Variants in MORC2 observed in about 807,000 individuals in gnomAD.
MORC2 encodes the protein MORC family CW-type zinc finger 2, also known as ATPase MORC2.
A neutral mutation model predicts 136.0 loss-of-function variants in MORC2; 30 were observed. That is an observed-to-expected ratio of 0.22 (90% CI 0.17 to 0.30). The LOEUF is 0.30. Ranked by LOEUF, MORC2 falls within the 10% of genes least tolerant of loss-of-function variation. The pLI is 1.00. For missense variants in MORC2, 922 were observed against 1,333.1 expected, an observed-to-expected ratio of 0.69 and a Z score of 4.80; for synonymous variants, 439 against 487.0, an observed-to-expected ratio of 0.90 and a Z score of 1.30.
In MORC2 at chr22:30,950,991, C is replaced by T. The variant is rs2040878709; in HGVS notation, c.158-546G>A. ...ATGAAGTACTGTGTCTATACATGAC[C>T]ATCCCTAGGCTGACTGGCATTCTGG... On this transcript the variant is annotated intron_variant, in intron 3 of 25. Coordinates refer to ENST00000397641, the MANE Select transcript of MORC2 (RefSeq NM_001303256.3). Among the ~76,000 whole-genome samples the T allele has an allele frequency of 2.6e-5, 4 of 152,166 alleles. No individual in the cohort carries two copies. The South Asian group carries it at 8.3e-4, about 32-fold the overall frequency.
rs553988584 is a variant in MORC2 at position 30,941,678 on chromosome 22, G to A, written c.699-120C>T. 1.3e-5 allele frequency: 18 copies of A among 1,391,578 alleles called. No homozygotes were observed. Among genetic ancestry groups the A allele is most frequent in the Non-Finnish European group, 1.7e-5 (18 of 1,028,860 alleles). The allele number at this position is 1,391,578 out of a possible 1,614,324, so 86.2% of individuals were successfully genotyped here. A position where few individuals can be genotyped will look rare whatever the true frequency, so the allele number is the denominator to read the frequency against. On this transcript the variant is annotated intron_variant, in intron 8 of 25. Coordinates refer to ENST00000397641, the MANE Select transcript of MORC2 (RefSeq NM_001303256.3). The surrounding 1 kb of genome is among the most constrained non-coding windows in gnomAD (Gnocchi z 4.6). ...ATGTTAGGTACTGACTTCTGCTGCT[G>A]CCCTGAACTGGTGCTCCCTTAGTGT...
chr22:30,936,817 C>G, intron 16 of MORC2, 115 bp downstream of exon 16: 1 of 1,292,236 alleles, frequency 7.7e-7, no homozygotes, highest in East Asian at 2.4e-5. Context: ...ATTTCTTGGG[C>G]AGTTATTAGG....
rs2240176 is a variant in MORC2 at position 30,925,961 on chromosome 22, G to A, written c.*842C>T. ...TCCAGATCAATTGGCACCATCCAAGGCCCTGCTGCACCCACACATGGAGGT... is the reference window on the plus strand; with the variant it reads ...TCCAGATCAATTGGCACCATCCAAGACCCTGCTGCACCCACACATGGAGGT... On this transcript the variant is annotated 3_prime_UTR_variant, in exon 26 of 26. Coordinates refer to ENST00000397641, the MANE Select transcript of MORC2 (RefSeq NM_001303256.3). The A allele has an allele frequency of 0.24, 36,964 of 152,664 alleles. 5,099 individuals carry two copies. The highest frequency in any genetic ancestry group is 0.49 in the East Asian group (2,532 of 5,122). The allele number at this position is 152,664 out of a possible 1,614,324, so 9.5% of individuals were successfully genotyped here. A position where few individuals can be genotyped will look rare whatever the true frequency, so the allele number is the denominator to read the frequency against.
rs776514304 is a variant in MORC2, at chr22:30,934,886, T to C, written c.2088A>G (p.Ser696=). 4.3e-6 allele frequency: 7 copies of C among 1,614,126 alleles called. No individual in the cohort carries two copies. The highest frequency in any genetic ancestry group is 2.2e-5 in the East Asian group (1 of 44,866). ...SRPAPLVQQL[S]PSLLPNSKSP... Reference sequence around the variant, plus strand: ...TCTTGGAGTTGGGCAGTAAAGATGGTGACAGTTGCTGCACCAGAGGGGCAG... The same window carrying C: ...TCTTGGAGTTGGGCAGTAAAGATGGCGACAGTTGCTGCACCAGAGGGGCAG... The change falls in exon 19 of 26, where the codon TCA becomes TCG. Residue 696 remains serine (S), a synonymous_variant. Coordinates refer to ENST00000397641, the MANE Select transcript of MORC2 (RefSeq NM_001303256.3). This position sits in a 1 kb window ranked among gnomAD's most constrained non-coding sequence, Gnocchi z 4.4.
intron 6 of MORC2, 54 bp downstream of exon 6, chr22:30,946,287 G>A (rs1338019397): frequency 2.1e-6 from 3 of 1,451,354 alleles, no homozygotes; most frequent in Non-Finnish European, 2.9e-6. Context: ...AAAACCGCCT[G>A]GGCAGACTCA....
chr22:30,933,603 A>G, intron 20 of MORC2, 83 bp from the exon 21 acceptor site: 1 of 1,370,248 alleles, frequency 7.3e-7, no homozygotes, highest in East Asian at 2.3e-5. Context: ...CGGGGTCATC[A>G]GCCATCATCT....
chr22:30,960,635 T>C (rs775251438), intron 1 of MORC2, among the ~76,000 whole-genome samples: 6 of 150,604 alleles, frequency 4.0e-5, no homozygotes, highest in South Asian at 2.1e-4. Context: ...ATTACAAGCA[T>C]AGGCCACCAT....
intron 10 of MORC2, among the ~76,000 whole-genome samples, chr22:30,940,356 G>C (rs1339315442): frequency 6.6e-6 from 1 of 151,100 alleles, no homozygotes; most frequent in Non-Finnish European, 1.5e-5. Flanking sequence ...GGAAGCTAAA[G>C]AAGTCTTCAG....
At position 30,967,953 on chromosome 22, in the gene MORC2, G is replaced by A. The variant is rs1448783690; in HGVS notation, c.-64C>T. ...GGAAATATAACCTTATAATGATATC[G>A]ATTTCCCAGGATTCTGTCCAGTAAA... On this transcript the variant is annotated 5_prime_UTR_variant, in exon 1 of 26. Transcript: ENST00000397641. 14 of 1,340,434 alleles carry A rather than the reference G, an allele frequency of 1.0e-5. No homozygotes were observed. Among genetic ancestry groups the A allele is most frequent in the Non-Finnish European group, 1.5e-5 (14 of 956,174 alleles). 83.0% of individuals were successfully genotyped at this position (1,340,434 alleles called of 1,614,324 possible).
rs1050645121 is a variant in MORC2 at position 30,936,929 on chromosome 22, C to T, written c.1604+3G>A. The T allele has an allele frequency of 6.2e-7, 1 of 1,611,814 alleles. No individual in the cohort carries two copies. The highest frequency in any genetic ancestry group is 8.5e-7 in the Non-Finnish European group (1 of 1,177,968). On this transcript the variant is annotated splice_donor_region_variant and intron_variant, in intron 16 of 25. Transcript: ENST00000397641. ...CAATCCCCTTGTTAGACAATGTGCT[C>T]ACCGGTCCTGTTCAGGATCAGGGTT... is the stretch of plus-strand genomic sequence containing the variant.
At chr22:30,939,150 A>G (rs1428643060) in intron 12 of MORC2, among the ~76,000 whole-genome samples, 1 of 152,208 alleles carries the variant, frequency 6.6e-6, no homozygotes, top group African/African-American at 2.4e-5. Context: ...TCTAAATGCA[A>G]AAGTATACAA....
At chr22:30,926,936 C>A in intron 25 of MORC2, 65 bp from the exon 26 acceptor site, 2 of 1,387,164 alleles carry the variant, frequency 1.4e-6, no homozygotes, top group South Asian at 2.4e-5. Flanking sequence ...CACCTTTCCA[C>A]CCTTCTCTCA....
rs1216992293 is a variant in MORC2, at chr22:30,932,540, TG to T, written c.2747+4del. 1.9e-6 allele frequency: 3 copies of T among 1,611,908 alleles called. No individual in the cohort carries two copies. Among genetic ancestry groups the T allele is most frequent in the Non-Finnish European group, 2.5e-6 (3 of 1,179,826 alleles). ...CTGGGGTGGGAAGACAAAAGACACA[TG>T]TACCGGAGGATCTGGACAAGCAGGT... is the stretch of plus-strand genomic sequence containing the variant. On this transcript the variant is annotated splice_donor_region_variant and intron_variant, in intron 23 of 25. Transcript: ENST00000397641. The surrounding 1 kb of genome is among the most constrained non-coding windows in gnomAD (Gnocchi z 4.4).
chr22:30,940,725 C>G, intron 10 of MORC2, 33 bp downstream of exon 10: 1 of 1,583,762 alleles, frequency 6.3e-7, no homozygotes, highest in Non-Finnish European at 8.7e-7. Flanking sequence ...CAGATGCACA[C>G]CCCCCCAACT....
At chr22:30,939,818 C>T (rs917422408) in intron 11 of MORC2, 112 bp from the exon 12 acceptor site, 1 of 1,349,278 alleles carries the variant, frequency 7.4e-7, no homozygotes, top group East Asian at 2.5e-5. Flanking sequence ...AAAACCACAC[C>T]TGGAAATTTA....
At position 30,942,125 on chromosome 22, in the gene MORC2, A is replaced by G. The variant is rs150005204; in HGVS notation, c.573T>C (p.Ile191=). 1 of 1,613,754 alleles carries G rather than the reference A, an allele frequency of 6.2e-7. No individual in the cohort carries two copies. Among genetic ancestry groups the G allele is most frequent in the African/African-American group, 1.3e-5 (1 of 75,024 alleles). The change falls in exon 7 of 26, where the codon ATT becomes ATC. Residue 191 remains isoleucine (I), a synonymous_variant. Transcript: ENST00000397641. ...EEEVMTQFMK[I]PGDSGTLVII... is the part of the protein sequence containing the mutation. ...AAGCCTACTTACCGCTGTCCCCAGGAATCTTCATAAACTGGGTCATCACTT... is the reference window on the plus strand; with the variant it reads ...AAGCCTACTTACCGCTGTCCCCAGGGATCTTCATAAACTGGGTCATCACTT...
At chr22:30,938,011 A>G in intron 13 of MORC2, 42 bp from the exon 14 acceptor site, 1 of 1,613,598 alleles carries the variant, frequency 6.2e-7, no homozygotes, top group Non-Finnish European at 8.5e-7. Flanking sequence ...CCCACTGGCA[A>G]CGCCCTCCTG....
At chr22:30,943,258 T>C (rs1434920932) in intron 6 of MORC2, among the ~76,000 whole-genome samples, 1 of 152,152 alleles carries the variant, frequency 6.6e-6, no homozygotes, top group Non-Finnish European at 1.5e-5. Flanking sequence ...TGACAAACTA[T>C]AGTGAAAAAG....
At chr22:30,948,900 G>A (rs1423830199) in intron 5 of MORC2, among the ~76,000 whole-genome samples, 3 of 152,134 alleles carry the variant, frequency 2.0e-5, no homozygotes, top group Non-Finnish European at 4.4e-5. Context: ...CCGGATACCA[G>A]GTCCTGATTT....
Sources: gnomAD v4.1 joint callset for allele counts (sites outside exome capture counted in the v4.1 genomes callset) on GRCh38, gnomAD v4.1.1 for gene constraint, Gnocchi (gnomAD v3.1) non-coding constraint, MANE v1.5 for transcripts, NCBI Gene and HGNC (gene_info 2026-07-23, HGNC 2026-07-21) for gene names.